The following TMEM185A variants were observed in gnomAD, a reference collection of about 807,000 sequenced individuals.
The protein encoded by TMEM185A is family with sequence similarity 11, member A.
In TMEM185A, 9 loss-of-function variants were observed where a neutral mutation model predicts 25.0. That is an observed-to-expected ratio of 0.36 (90% CI 0.22 to 0.63). The LOEUF (loss-of-function observed/expected upper bound fraction) is 0.63, where lower values mean the gene tolerates loss of function less well. TMEM185A is among the 20% of genes least tolerant of loss of function. TMEM185A has a pLI of 0.68. For missense variants in TMEM185A, 103 were observed against 237.4 expected (o/e 0.43, Z 3.72); for synonymous variants, 45 against 93.5 (o/e 0.48, Z 2.99).
At chrX:149,628,973 A>G (rs1316971636) in intron 1 of TMEM185A, among the ~76,000 whole-genome samples, 2 of 112,198 alleles carry the variant, frequency 1.8e-5, no homozygotes, top group Non-Finnish European at 3.8e-5. Flanking sequence ...TACGATACTG[A>G]CACAGTCACG....
chrX:149,601,276 TTATC>T (rs2124197038), intron 4 of TMEM185A: 1 of 87,303 alleles, frequency 1.1e-5, no homozygotes, highest in East Asian at 3.4e-4. Flanking sequence ...TTTTTATTAA[TTATC>T]TATCATACAG....
At chrX:149,618,194 C>A (rs1331742069) in intron 1 of TMEM185A, among the ~76,000 whole-genome samples, 1 of 111,576 alleles carries the variant, frequency 9.0e-6, no homozygotes, top group Non-Finnish European at 1.9e-5. Flanking sequence ...GGTCTCCACT[C>A]GGGAAGATTA....
intron 1 of TMEM185A, among the ~76,000 whole-genome samples, chrX:149,617,848 AG>A (rs1470007705): frequency 8.9e-6 from 1 of 112,201 alleles, no homozygotes; most frequent in East Asian, 2.8e-4. Context: ...AGCAGTAAAA[AG>A]TAACAAACTA....
At chrX:149,628,829 C>A (rs912604417) in intron 1 of TMEM185A, among the ~76,000 whole-genome samples, 1 of 112,214 alleles carries the variant, frequency 8.9e-6, no homozygotes, top group African/African-American at 3.2e-5. Flanking sequence ...AGAAAGAGAA[C>A]CAGGCCACAG....
At chrX:149,617,281 C>CAAAA (rs1205109278) in intron 1 of TMEM185A, among the ~76,000 whole-genome samples, 2 of 111,649 alleles carry the variant, frequency 1.8e-5, no homozygotes, top group African/African-American at 6.5e-5. Flanking sequence ...CAAAAGATAC[C>CAAAA]TATCATTAAC....
intron 1 of TMEM185A, among the ~76,000 whole-genome samples, chrX:149,612,197 C>T (rs925697383): frequency 1.8e-5 from 2 of 111,850 alleles, no homozygotes; most frequent in African/African-American, 3.3e-5. Flanking sequence ...AAGCTTGATA[C>T]AGTCTACAAA....
intron 1 of TMEM185A, among the ~76,000 whole-genome samples, chrX:149,628,050 GC>G (rs1297235541): frequency 2.7e-5 from 3 of 111,704 alleles, no homozygotes; most frequent in Non-Finnish European, 5.6e-5. Context: ...AGTACCCCAT[GC>G]CCACAAGTTG....
chrX:149,620,137 G>GTA (rs1235139874), intron 1 of TMEM185A, among the ~76,000 whole-genome samples: 1 of 111,797 alleles, frequency 8.9e-6, no homozygotes, highest in Non-Finnish European at 1.9e-5. Flanking sequence ...CCATTACTGG[G>GTA]TATATACCCA....
At position 149,631,603 on chromosome X, in the gene TMEM185A, TCC is replaced by T; in HGVS notation, c.-25_-24del. 1 of 1,113,003 alleles carries T rather than the reference TCC, an allele frequency of 9.0e-7. No homozygotes were observed. Among genetic ancestry groups the T allele is most frequent in the Admixed American group, 2.7e-5 (1 of 36,980 alleles). The allele number at this position is 1,113,003 out of a possible 1,213,427, so 91.7% of individuals were successfully genotyped here. On this transcript the variant is annotated 5_prime_UTR_variant, in exon 1 of 7. Coordinates refer to ENST00000600449, the MANE Select transcript of TMEM185A (RefSeq NM_032508.4). Reference sequence around the variant, plus strand: ...CATGGCGGAGAACTTCACCGCGGCGTCCTCCTCCTCCTCCCCCGCACCCCGTG... The same window carrying T: ...CATGGCGGAGAACTTCACCGCGGCGTTCCTCCTCCTCCCCCGCACCCCGTG...
chrX:149,613,488 C>A (rs1395190044), intron 1 of TMEM185A, among the ~76,000 whole-genome samples: 4 of 111,832 alleles, frequency 3.6e-5, no homozygotes, highest in Non-Finnish European at 5.6e-5. Context: ...GCCCTACAAC[C>A]CCAAGGAACT....
chrX:149,608,353 C>T (rs994021773), intron 3 of TMEM185A: 13 of 185,097 alleles, frequency 7.0e-5, no homozygotes, highest in Middle Eastern at 1.8e-3. Flanking sequence ...TTTTTTAAGA[C>T]GGAGTTTCAT....
At chrX:149,612,096 T>C (rs1557354577) in intron 1 of TMEM185A, among the ~76,000 whole-genome samples, 2 of 112,504 alleles carry the variant, frequency 1.8e-5, no homozygotes, top group African/African-American at 6.5e-5. Context: ...GAGGATGTCC[T>C]TGAAATAATT....
rs1483781640 is a variant in TMEM185A, at chrX:149,598,845, T to A, written c.809-590A>T. Among the ~76,000 whole-genome samples the A allele has an allele frequency of 5.3e-5, 4 of 75,407 alleles. 1 individual carries two copies. The highest frequency in any genetic ancestry group is 9.0e-5 in the Non-Finnish European group (4 of 44,391). The allele number at this position is 75,407 out of a possible 115,157, so 65.5% of individuals were successfully genotyped here. A position where few individuals can be genotyped will look rare whatever the true frequency, so the allele number is the denominator to read the frequency against. On this transcript the variant is annotated intron_variant, in intron 6 of 6. Transcript: ENST00000600449. ...TTCCCAGTCCCACTACTCCTCTCTG[T>A]AGGCTACTGGAGTGTCAGCTCGGTG...
chrX:149,608,659 C>G lies in TMEM185A; in HGVS notation c.391G>C (p.Val131Leu). The G allele has an allele frequency of 8.3e-7, 1 of 1,211,598 alleles. No individual in the cohort carries two copies. The highest frequency in any genetic ancestry group is 1.1e-6 in the Non-Finnish European group (1 of 895,488). Residue 131 changes from valine (V) to leucine (L), a missense_variant, in exon 3 of 7, where the codon GTT becomes CTT. Val to Leu is a conservative substitution (Grantham distance 32). Transcript: ENST00000600449. Reference sequence around the variant, plus strand: ...GACCTGTCATGTCGAAAGCCCCAAACGCAAGCTGCAACAGACACCGGGGAA... The same window carrying G: ...GACCTGTCATGTCGAAAGCCCCAAAGGCAAGCTGCAACAGACACCGGGGAA... ...FVSPVSVAAC[V>L]WGFRHDRSLE...
chrX:149,622,238 A>C (rs2090142890), intron 1 of TMEM185A, among the ~76,000 whole-genome samples: 1 of 112,537 alleles, frequency 8.9e-6, no homozygotes, highest in Non-Finnish European at 1.9e-5. Context: ...TTAAAATGCT[A>C]AAAGGACTAA....
At chrX:149,609,933 A>G (rs2090073054) in intron 2 of TMEM185A, among the ~76,000 whole-genome samples, 1 of 111,848 alleles carries the variant, frequency 8.9e-6, no homozygotes, top group Non-Finnish European at 1.9e-5. Flanking sequence ...ATCTGAAAAT[A>G]TCTCATAAAA....
Position 149,602,795 on chromosome X carries a change from C to T in TMEM185A, c.507+1192G>A, listed in dbSNP as rs185229318. Among the ~76,000 whole-genome samples, 7 of 112,301 alleles carry T rather than the reference C, an allele frequency of 6.2e-5. No homozygotes were observed. The Admixed American group carries it at 6.6e-4, about 11-fold the overall frequency. ...GAACCCAATGACCATTCTCCAGATA[C>T]AGCACTGTGAAGTTGTAGGATGAGT... is the stretch of plus-strand genomic sequence containing the variant. On this transcript the variant is annotated intron_variant, in intron 4 of 6. Coordinates refer to ENST00000600449, the MANE Select transcript of TMEM185A (RefSeq NM_032508.4).
intron 1 of TMEM185A, among the ~76,000 whole-genome samples, chrX:149,613,462 G>C (rs2090094972): frequency 1.8e-5 from 2 of 111,994 alleles, no homozygotes; most frequent in Non-Finnish European, 3.8e-5. Flanking sequence ...CAGCCAGCAA[G>C]GTAAATGGGA....
At chrX:149,626,409 C>T (rs954418409) in intron 1 of TMEM185A, among the ~76,000 whole-genome samples, 3 of 112,315 alleles carry the variant, frequency 2.7e-5, no homozygotes, top group Admixed American at 9.4e-5. Context: ...TTAATTCATA[C>T]GACACATATC....
Sources: gnomAD v4.1 joint callset for allele counts (sites outside exome capture counted in the v4.1 genomes callset) on GRCh38, gnomAD v4.1.1 for gene constraint, MANE v1.5 for transcripts, NCBI Gene and HGNC (gene_info 2026-07-23, HGNC 2026-07-21) for gene names.